Variants in TTC29 observed in about 807,000 individuals in gnomAD.
TTC29 encodes the protein tetratricopeptide repeat domain 29.
A neutral mutation model predicts 58.1 loss-of-function variants in TTC29; 49 were observed. The ratio of observed to expected loss-of-function variants is 0.84; its 90% CI spans 0.67 to 1.07. The LOEUF (loss-of-function observed/expected upper bound fraction) is 1.07. Among genes scored for constraint, TTC29 ranks in the 50% least tolerant of loss-of-function variants. The probability of loss-of-function intolerance (pLI) is 0.00; values close to 1 mark genes in which losing one functional copy is unlikely to be tolerated. For missense variants in TTC29, 582 were observed against 555.6 expected, an observed-to-expected ratio of 1.05 and a Z score of -0.48; for synonymous variants, 209 against 196.8, an observed-to-expected ratio of 1.06 and a Z score of -0.52.
intron 11 of TTC29, among the ~76,000 whole-genome samples, chr4:146,760,850 A>G (rs1746841045): frequency 1.5e-5 from 2 of 134,180 alleles, no homozygotes; most frequent in Non-Finnish European, 3.1e-5. Flanking sequence ...AATACTATAT[A>G]TATATGATGG....
intron 2 of TTC29, among the ~76,000 whole-genome samples, chr4:146,943,886 AT>A (rs1408630352): frequency 1.3e-5 from 2 of 152,118 alleles, no homozygotes; most frequent in African/African-American, 4.8e-5. Flanking sequence ...GTGAGCTCCA[AT>A]TTAGACTCAA....
intron 8 of TTC29, among the ~76,000 whole-genome samples, chr4:146,852,584 C>T (rs1729581239): frequency 6.6e-6 from 1 of 152,234 alleles, no homozygotes; most frequent in African/African-American, 2.4e-5. Flanking sequence ...CAGGCCTTTA[C>T]TCTTGCTGCT....
At chr4:146,828,132 C>T (rs910967179) in intron 9 of TTC29, among the ~76,000 whole-genome samples, 13 of 151,866 alleles carry the variant, frequency 8.6e-5, no homozygotes, top group Admixed American at 2.6e-4. Flanking sequence ...AAATTATGAC[C>T]GATCTTCCAC....
At chr4:146,917,190 G>A (rs17022106) in intron 4 of TTC29, among the ~76,000 whole-genome samples, 23,838 of 150,444 alleles carry the variant, frequency 0.16, 3,015 homozygotes, top group African/African-American at 0.34. Flanking sequence ...ACTTGGATCA[G>A]AAGAATTTTT....
intron 7 of TTC29, among the ~76,000 whole-genome samples, chr4:146,871,214 A>G (rs1441719280): frequency 6.6e-6 from 1 of 151,952 alleles, no homozygotes; most frequent in Non-Finnish European, 1.5e-5. Flanking sequence ...TAACATATTA[A>G]TAGGATAAAA....
chr4:146,860,983 A>G (rs1194366624), intron 8 of TTC29, among the ~76,000 whole-genome samples: 1 of 152,232 alleles, frequency 6.6e-6, no homozygotes, highest in African/African-American at 2.4e-5. Flanking sequence ...GTATTTTAAA[A>G]GCAAATGAAA....
intron 10 of TTC29, among the ~76,000 whole-genome samples, chr4:146,818,362 T>C (rs1245310035): frequency 1.3e-5 from 2 of 152,152 alleles, no homozygotes; most frequent in East Asian, 1.9e-4. Flanking sequence ...ATCAGACAAA[T>C]GCAAATCAAA....
intron 11 of TTC29, among the ~76,000 whole-genome samples, chr4:146,757,322 C>A (rs903699397): frequency 6.6e-6 from 1 of 152,068 alleles, no homozygotes; most frequent in African/African-American, 2.4e-5. Context: ...GTCTAGCCAC[C>A]TAGTGAGTCT....
chr4:146,728,562 A>G (rs1743964511), intron 11 of TTC29, among the ~76,000 whole-genome samples: 1 of 151,144 alleles, frequency 6.6e-6, no homozygotes, highest in Non-Finnish European at 1.5e-5. Flanking sequence ...AAATTGCCCC[A>G]TTTATACAGG....
intron 10 of TTC29, among the ~76,000 whole-genome samples, chr4:146,816,195 C>G (rs551372328): frequency 6.6e-6 from 1 of 152,128 alleles, no homozygotes; most frequent in Admixed American, 6.5e-5. Flanking sequence ...GCACTATCTT[C>G]AAATATATAT....
chr4:146,801,046 G>C (rs2150115528), intron 11 of TTC29, among the ~76,000 whole-genome samples: 1 of 152,290 alleles, frequency 6.6e-6, no homozygotes, highest in East Asian at 1.9e-4. Flanking sequence ...GGCTAGAACT[G>C]AAAGTAGGTG....
chr4:146,886,987 C>T (rs1176986686), intron 6 of TTC29, among the ~76,000 whole-genome samples: 6 of 152,126 alleles, frequency 3.9e-5, no homozygotes, highest in Non-Finnish European at 8.8e-5. Flanking sequence ...CATGATTCCA[C>T]TTACTTGAGG....
intron 11 of TTC29, among the ~76,000 whole-genome samples, chr4:146,772,601 T>C (rs1337367709): frequency 6.6e-6 from 1 of 152,188 alleles, no homozygotes; most frequent in Non-Finnish European, 1.5e-5. Flanking sequence ...TTTGTACCAG[T>C]ACCATGTGAT....
chr4:146,743,148 C>T (rs1393791412), intron 11 of TTC29, among the ~76,000 whole-genome samples: 2 of 151,944 alleles, frequency 1.3e-5, no homozygotes, highest in Non-Finnish European at 2.9e-5. Context: ...TTCTCGGTGA[C>T]ACACTTTTTT....
Position 146,900,643 on chromosome 4 carries a change from A to G in TTC29, c.586+2901T>C, listed in dbSNP as rs1013423630. The stretch of plus-strand genomic sequence containing the variant: ...AATAAATAAATTGAGCAATGTATAA[A>G]TCCTCCAATAGAAATATTTTAAGAT... On this transcript the variant is annotated intron_variant, in intron 6 of 12. Coordinates refer to ENST00000325106, the MANE Select transcript of TTC29 (RefSeq NM_031956.4). Among the ~76,000 whole-genome samples, 3 of 152,300 alleles carry G rather than the reference A, an allele frequency of 2.0e-5. No individual in the cohort carries two copies. The South Asian group carries it at 6.2e-4, about 32-fold the overall frequency.
At chr4:146,933,398 A>T (rs1735499591) in intron 4 of TTC29, among the ~76,000 whole-genome samples, 1 of 152,242 alleles carries the variant, frequency 6.6e-6, no homozygotes, top group Non-Finnish European at 1.5e-5. Flanking sequence ...GTTTATTTGA[A>T]TCTATAAATG....
Position 146,894,490 on chromosome 4 carries a change from T to G in TTC29, c.586+9054A>C, listed in dbSNP as rs1281760374. Among the ~76,000 whole-genome samples, 7 of 126,636 alleles carry G rather than the reference T, an allele frequency of 5.5e-5. No homozygotes were observed. In the Admixed American group the frequency reaches 7.2e-4, roughly 13 times the overall value. The allele number at this position is 126,636 out of a possible 152,430, so 83.1% of individuals were successfully genotyped here. A position where few individuals can be genotyped will look rare whatever the true frequency, so the allele number is the denominator to read the frequency against. On this transcript the variant is annotated intron_variant, in intron 6 of 12. Transcript: ENST00000325106. ...GTGGGAATTGAACAATGAGAACATGTGGACACAGGAAGGGGAACATCACAC... is the reference window on the plus strand; with the variant it reads ...GTGGGAATTGAACAATGAGAACATGGGGACACAGGAAGGGGAACATCACAC...
chr4:146,726,980 A>G (rs111326499), intron 11 of TTC29, among the ~76,000 whole-genome samples: 298 of 152,058 alleles, frequency 2.0e-3, no homozygotes, highest in African/African-American at 6.9e-3. Context: ...CCTTGATCCC[A>G]CTTACTTACT....
At chr4:146,816,785 A>G (rs987171623) in intron 10 of TTC29, among the ~76,000 whole-genome samples, 7 of 152,202 alleles carry the variant, frequency 4.6e-5, no homozygotes, top group African/African-American at 1.7e-4. Flanking sequence ...ATCAGGAACT[A>G]AAGAAATATT....
Sources: gnomAD v4.1 joint callset for allele counts (sites outside exome capture counted in the v4.1 genomes callset) on GRCh38, gnomAD v4.1.1 for gene constraint, MANE v1.5 for transcripts, NCBI Gene and HGNC (gene_info 2026-07-23, HGNC 2026-07-21) for gene names.